CCM2: variants seen among roughly 807,000 people sequenced by gnomAD.
CCM2 encodes cerebral cavernous malformations 2 protein.
CCM2 carries 25 observed loss-of-function variants against 44.9 expected under a neutral mutation model. The ratio of observed to expected loss-of-function variants is 0.56; its 90% CI spans 0.41 to 0.78. The LOEUF (loss-of-function observed/expected upper bound fraction) is 0.78. Among genes scored for constraint, CCM2 ranks in the 30% least tolerant of loss-of-function variants. CCM2 has a pLI of 0.00. For synonymous variants in CCM2, 219 were observed against 241.1 expected (o/e 0.91, Z 0.85); for missense variants, 481 against 580.6 (o/e 0.83, Z 1.76).
At chr7:45,022,651 AAG>A (rs896609482) in intron 1 of CCM2, among the ~76,000 whole-genome samples, 2 of 151,918 alleles carry the variant, frequency 1.3e-5, no homozygotes, top group African/African-American at 4.8e-5. Context: ...TTTCTTTCAA[AAG>A]AAACATTAAA....
intron 1 of CCM2, among the ~76,000 whole-genome samples, chr7:45,023,568 AAAC>A (rs1042473160): frequency 6.6e-6 from 1 of 152,120 alleles, no homozygotes; most frequent in African/African-American, 2.4e-5. Flanking sequence ...AAACTAACAA[AAAC>A]AACAACAAAA....
chr7:45,036,153 C>T (rs552877692), intron 1 of CCM2, among the ~76,000 whole-genome samples: 3 of 151,948 alleles, frequency 2.0e-5, no homozygotes, highest in African/African-American at 2.4e-5. Flanking sequence ...GCAAAGGGTG[C>T]GTGAGATGCA....
At chr7:45,043,269 TATTTTCTGACTC>T (rs1202105498) in intron 2 of CCM2, among the ~76,000 whole-genome samples, 1 of 152,166 alleles carries the variant, frequency 6.6e-6, no homozygotes, top group Non-Finnish European at 1.5e-5. Context: ...GCACTTGGAA[TATTTTCTGACTC>T]ATTTTGTAAG....
chr7:45,028,893 C>A (rs921739018), intron 1 of CCM2, among the ~76,000 whole-genome samples: 3 of 151,934 alleles, frequency 2.0e-5, no homozygotes, highest in Admixed American at 1.3e-4. Context: ...CAGAGGAGTT[C>A]TTTGTCATGG....
At chr7:45,073,180 C>T in intron 7 of CCM2, 3 of 577,976 alleles carry the variant, frequency 5.2e-6, no homozygotes, top group Non-Finnish European at 9.3e-6. Context: ...ACCCTGGCTC[C>T]TTCCCCTGCC....
chr7:45,075,756 C>T, intron 9 of CCM2, 21 bp from the exon 10 acceptor site: 1 of 1,613,510 alleles, frequency 6.2e-7, no homozygotes, highest in South Asian at 1.1e-5. Flanking sequence ...AGGTGCCATG[C>T]TGGGTGTTGT....
intron 1 of CCM2, among the ~76,000 whole-genome samples, chr7:45,019,130 C>G (rs1041906288): frequency 1.5e-5 from 2 of 134,866 alleles, no homozygotes; most frequent in African/African-American, 2.9e-5. Flanking sequence ...GTGGCGTGAT[C>G]TCGGCTCACT....
chr7:45,032,343 C>G (rs1306109604), intron 1 of CCM2, among the ~76,000 whole-genome samples: 1 of 152,128 alleles, frequency 6.6e-6, no homozygotes, highest in East Asian at 1.9e-4. Flanking sequence ...GCAGGTTCCT[C>G]TGAAGCGCCT....
At chr7:45,069,999 G>A (rs1357161095) in intron 6 of CCM2, 38 bp downstream of exon 6, 13 of 1,610,012 alleles carry the variant, frequency 8.1e-6, no homozygotes, top group Middle Eastern at 3.3e-4. Context: ...TGGGAGCAGG[G>A]ACAGGAGGGG....
intron 2 of CCM2, among the ~76,000 whole-genome samples, chr7:45,056,329 C>T (rs1468385183): frequency 6.6e-6 from 1 of 152,168 alleles, no homozygotes; most frequent in Non-Finnish European, 1.5e-5. Context: ...ATCTCCATAT[C>T]TTTGCCAACA....
At chr7:45,040,301 G>A (rs1231787822) in intron 2 of CCM2, among the ~76,000 whole-genome samples, 1 of 151,434 alleles carries the variant, frequency 6.6e-6, no homozygotes, top group Non-Finnish European at 1.5e-5. Flanking sequence ...GGAGAATGGC[G>A]TGAACCCAGG....
chr7:45,069,682 G>A, intron 5 of CCM2, 144 bp from the exon 6 acceptor site: 1 of 1,090,454 alleles, frequency 9.2e-7, no homozygotes, highest in Non-Finnish European at 1.4e-6. Flanking sequence ...CTTTGGGTCA[G>A]TGAAAGGCAG....
chr7:45,032,147 G>C (rs905967176), intron 1 of CCM2, among the ~76,000 whole-genome samples: 1 of 152,132 alleles, frequency 6.6e-6, no homozygotes, highest in South Asian at 2.1e-4. Context: ...TTACTTAATA[G>C]TGTTAATATT....
intron 1 of CCM2, among the ~76,000 whole-genome samples, chr7:45,024,893 C>A (rs953663717): frequency 5.3e-5 from 8 of 152,138 alleles, no homozygotes; most frequent in African/African-American, 1.9e-4. Flanking sequence ...TGTTACTGTG[C>A]TTTTTCTGTC....
chr7:45,063,780 T>C (rs1338534677), intron 2 of CCM2, 138 bp from the exon 3 acceptor site: 1 of 703,906 alleles, frequency 1.4e-6, no homozygotes, highest in Non-Finnish European at 2.6e-6. Context: ...GAGTTGGGCC[T>C]CCACGCGAGC....
chr7:45,054,606 G>A (rs1357019366), intron 2 of CCM2, among the ~76,000 whole-genome samples: 1 of 152,184 alleles, frequency 6.6e-6, no homozygotes, highest in Non-Finnish European at 1.5e-5. Flanking sequence ...GCCTGCCAGC[G>A]TGGAGCTGTG....
chr7:45,007,174 A>G (rs1342046097), intron 1 of CCM2, among the ~76,000 whole-genome samples: 3 of 152,156 alleles, frequency 2.0e-5, no homozygotes, highest in African/African-American at 4.8e-5. Flanking sequence ...TATGTAAACC[A>G]TAAATCACAG....
intron 7 of CCM2, 37 bp from the exon 8 acceptor site, chr7:45,073,423 G>C: frequency 6.7e-7 from 1 of 1,501,010 alleles, no homozygotes; most frequent in African/African-American, 1.4e-5. Flanking sequence ...TGGAGGGTCG[G>C]GGAAGCCACC....
intron 1 of CCM2, 98 bp downstream of exon 1, chr7:45,000,461 G>C: frequency 1.0e-5 from 3 of 287,840 alleles, no homozygotes; most frequent in Non-Finnish European, 1.7e-5. Context: ...GCCCGGGGGG[G>C]GGGGCAGTGG....
Sources: gnomAD v4.1 joint callset for allele counts (sites outside exome capture counted in the v4.1 genomes callset) on GRCh38, gnomAD v4.1.1 for gene constraint, MANE v1.5 for transcripts, NCBI Gene and HGNC (gene_info 2026-07-23, HGNC 2026-07-21) for gene names.